The following SLC1A6 variants were observed in gnomAD, a reference collection of about 807,000 sequenced individuals.
SLC1A6 encodes excitatory amino acid transporter 4.
A neutral mutation model predicts 42.1 loss-of-function variants in SLC1A6; 15 were observed. That is an observed-to-expected ratio of 0.36 (90% CI 0.24 to 0.55). SLC1A6 has a LOEUF of 0.55. Among genes scored for constraint, SLC1A6 ranks in the 20% least tolerant of loss-of-function variants. SLC1A6 has a pLI of 0.88. For synonymous variants in SLC1A6, 317 were observed against 319.7 expected (o/e 0.99, Z 0.09); for missense variants, 542 against 772.5 (o/e 0.70, Z 3.54).
chr19:14,995,469 A>G (rs1374310301), intron 1 of SLC1A6, among the ~76,000 whole-genome samples: 1 of 152,132 alleles, frequency 6.6e-6, no homozygotes, highest in Non-Finnish European at 1.5e-5. Flanking sequence ...AAGGATGCCA[A>G]ATTTCAGTTA....
upstream of SLC1A6, among the ~76,000 whole-genome samples, chr19:14,982,152 G>A (rs768894650): frequency 1.3e-5 from 2 of 152,104 alleles, no homozygotes; most frequent in Admixed American, 6.6e-5. Context: ...ACAACAAAAC[G>A]TAATGTGAGA....
intron 5 of SLC1A6, among the ~76,000 whole-genome samples, chr19:14,963,355 A>G (rs953387348): frequency 6.6e-6 from 1 of 152,226 alleles, no homozygotes; most frequent in Non-Finnish European, 1.5e-5. Flanking sequence ...CAGCTAGACA[A>G]GAGCAATAAG....
Position 15,007,002 on chromosome 19 carries a change from C to T in SLC1A6, c.6+3483G>A, listed in dbSNP as rs189786331. Reference sequence around the variant, plus strand: ...AAACATGTATTGATTCTTCCACTTACGTATTCCTCTAATAAGTACGTATTG... The same window carrying T: ...AAACATGTATTGATTCTTCCACTTATGTATTCCTCTAATAAGTACGTATTG... On this transcript the variant is annotated intron_variant, in intron 1 of 8. Transcript: ENST00000430939. Among the ~76,000 whole-genome samples the T allele has an allele frequency of 6.3e-4, 96 of 152,124 alleles. 1 individual carries two copies. The highest frequency in any genetic ancestry group is 2.3e-3 in the African/African-American group (94 of 41,530).
chr19:14,991,903 G>A (rs1033226922), intron 1 of SLC1A6, among the ~76,000 whole-genome samples: 1 of 150,774 alleles, frequency 6.6e-6, no homozygotes, highest in African/African-American at 2.4e-5. Flanking sequence ...TTGGCTCACT[G>A]CAATCTCCGC....
At chr19:14,976,989 C>G (rs1206468865) in intron 1 of SLC1A6, 1 of 150,854 alleles carries the variant, frequency 6.6e-6, no homozygotes, top group Non-Finnish European at 1.5e-5. Context: ...GGATCCTGCT[C>G]CAAATGGACC....
At chr19:14,953,938 C>T (rs1312026041) in intron 8 of SLC1A6, among the ~76,000 whole-genome samples, 197 bp downstream of exon 8, 3 of 152,234 alleles carry the variant, frequency 2.0e-5, no homozygotes, top group African/African-American at 7.2e-5. Flanking sequence ...GTCTTGGCAG[C>T]TCCTGACAGC....
At position 14,955,123 on chromosome 19, in the gene SLC1A6, G is replaced by A. The variant is rs542226873; in HGVS notation, c.1170-794C>T. ...CCACAAGGCGTGTGTTCTGTGGTCA[G>A]CTTTACATCATACGGTTGGAATCCT... On this transcript the variant is annotated intron_variant, in intron 7 of 9. Coordinates refer to ENST00000594383, the MANE Select transcript of SLC1A6 (RefSeq NM_005071.3). Among the ~76,000 whole-genome samples the A allele has an allele frequency of 4.6e-5, 7 of 152,266 alleles. 1 individual carries two copies. The South Asian group carries it at 1.5e-3, about 32-fold the overall frequency.
In SLC1A6 at chr19:14,964,729, A is replaced by T. The variant is rs138895908; in HGVS notation, c.549-368T>A. 1.6e-3 allele frequency among the ~76,000 whole-genome samples: 240 copies of T among 152,324 alleles called. 1 individual carries two copies. The highest frequency in any genetic ancestry group is 5.7e-3 in the African/African-American group (235 of 41,582). ...TAATTCAAACACACATGTGTCAGTGATGCCTCAAAAAACCACAGAAAACTC... is the reference window on the plus strand; with the variant it reads ...TAATTCAAACACACATGTGTCAGTGTTGCCTCAAAAAACCACAGAAAACTC... On this transcript the variant is annotated intron_variant, in intron 4 of 9. Transcript: ENST00000594383.
chr19:14,977,865 C>T (rs1184249984), intron 1 of SLC1A6: 1 of 152,180 alleles, frequency 6.6e-6, no homozygotes, highest in African/African-American at 2.4e-5. Context: ...ACCTAACTCA[C>T]ACAAAATTAA....
At position 14,953,014 on chromosome 19, in the gene SLC1A6, C is replaced by T. The variant is rs374423866; in HGVS notation, c.1413G>A (p.Ala471=). 8 of 1,614,012 alleles carry T rather than the reference C, an allele frequency of 5.0e-6. No individual in the cohort carries two copies. Among genetic ancestry groups the T allele is most frequent in the Admixed American group, 3.3e-5 (2 of 59,990 alleles). ...GCACAATGACCATGGTGACCAGACC[C>T]GCCTGGGGGATGCCAGCAGCCCCAA... ...ASVGAAGIPQ[A]GLVTMVIVLT... is the part of the protein sequence containing the mutation. The change falls in exon 9 of 10, where the codon GCG becomes GCA. Residue 471 remains alanine (A), a synonymous_variant. Coordinates refer to ENST00000594383, the MANE Select transcript of SLC1A6 (RefSeq NM_005071.3).
chr19:14,954,063 C>CCCAACCCACCCAGCCAAGCTGATGA, intron 8 of SLC1A6, 72 bp downstream of exon 8: 1 of 1,307,822 alleles, frequency 7.6e-7, no homozygotes, highest in Non-Finnish European at 1.1e-6. Context: ...CTCCTCCCTC[C>CCCAACCCACCCAGCCAAGCTGATGA]CCAACCCTCC....
At chr19:14,986,569 T>C (rs933809217) in intron 1 of SLC1A6, among the ~76,000 whole-genome samples, 1 of 146,754 alleles carries the variant, frequency 6.8e-6, no homozygotes, top group Non-Finnish European at 1.5e-5. Flanking sequence ...TATTGCTTTA[T>C]CAAGTACAAG....
chr19:14,962,398 C>T (rs1013699654), intron 5 of SLC1A6, 53 bp from the exon 6 acceptor site: 10 of 1,374,128 alleles, frequency 7.3e-6, no homozygotes, highest in Admixed American at 3.7e-5. Flanking sequence ...GCATTAGAAT[C>T]GCCTGGAGAA....
At chr19:14,997,915 G>T (rs182727546) in intron 1 of SLC1A6, among the ~76,000 whole-genome samples, 1 of 151,730 alleles carries the variant, frequency 6.6e-6, no homozygotes, top group Non-Finnish European at 1.5e-5. Flanking sequence ...GCATTTCTTG[G>T]CTTGTATATC....
chr19:15,002,445 T>G (rs761482780), intron 1 of SLC1A6, among the ~76,000 whole-genome samples: 2 of 152,126 alleles, frequency 1.3e-5, no homozygotes, highest in Non-Finnish European at 2.9e-5. Flanking sequence ...TTGGATTTCT[T>G]CAGAGTGAGC....
At chr19:14,966,529 AT>A (rs929341469) in intron 4 of SLC1A6, among the ~76,000 whole-genome samples, 4 of 152,114 alleles carry the variant, frequency 2.6e-5, no homozygotes, top group African/African-American at 9.7e-5. Flanking sequence ...TAGCAAAAAT[AT>A]TTTTTAATAA....
Position 14,996,204 on chromosome 19 carries a change from A to C in SLC1A6, c.6+14281T>G, listed in dbSNP as rs553050776. ...GGGCTAAGTGAAAGAAGCCAAATGC[A>C]AAAGGACAAGTATTGTATGATTCAA... On this transcript the variant is annotated intron_variant, in intron 1 of 8. Transcript: ENST00000430939. Among the ~76,000 whole-genome samples, 9 of 152,354 alleles carry C rather than the reference A, an allele frequency of 5.9e-5. No homozygotes were observed. The East Asian group carries it at 1.7e-3, about 29-fold the overall frequency.
At chr19:14,972,021 T>A in intron 2 of SLC1A6, 147 bp from the exon 3 acceptor site, 2 of 681,262 alleles carry the variant, frequency 2.9e-6, no homozygotes, top group Non-Finnish European at 4.9e-6. Context: ...TGCACTGATG[T>A]GTGCAGACAT....
chr19:14,965,362 T>C (rs1252053826), intron 4 of SLC1A6, among the ~76,000 whole-genome samples: 1 of 152,094 alleles, frequency 6.6e-6, no homozygotes, highest in Non-Finnish European at 1.5e-5. Context: ...CCATTCCACC[T>C]AGCAATCCCA....
Sources: allele counts gnomAD v4.1 joint callset (sites outside exome capture counted in the v4.1 genomes callset), GRCh38; gene constraint gnomAD v4.1.1; transcripts MANE v1.5; gene names NCBI Gene and HGNC (gene_info 2026-07-23, HGNC 2026-07-21).